The following CHN1 variants were observed in gnomAD, a reference collection of about 807,000 sequenced individuals.
CHN1 encodes N-chimaerin.
CHN1 carries 37 observed loss-of-function variants against 59.5 expected under a neutral mutation model. The observed-to-expected ratio is 0.62, with a 90% confidence interval of 0.48 to 0.82. The LOEUF (loss-of-function observed/expected upper bound fraction) is 0.82. Ranked by LOEUF, CHN1 falls within the 40% of genes least tolerant of loss-of-function variation. CHN1 has a pLI of 0.00. For missense variants in CHN1, 469 were observed against 571.0 expected (o/e 0.82, Z 1.82); for synonymous variants, 206 against 200.4 (o/e 1.03, Z -0.24).
intron 5 of CHN1, among the ~76,000 whole-genome samples, chr2:174,900,622 A>G (rs929010312): frequency 3.9e-5 from 6 of 152,166 alleles, no homozygotes; most frequent in Non-Finnish European, 7.4e-5. Context: ...CCTGGCCAAC[A>G]TGGTGAAACT....
Position 174,812,498 on chromosome 2 carries a change from AGAAAG to A in CHN1, c.713-21_713-17del, listed in dbSNP as rs1452024836. The A allele has an allele frequency of 6.2e-7, 1 of 1,611,398 alleles. No homozygotes were observed. Among genetic ancestry groups the A allele is most frequent in the Non-Finnish European group, 8.5e-7 (1 of 1,179,186 alleles). ...AAACCACAATCTAAGAAAAGAATAA[AGAAAG>A]GAAACATTCAATATTATTTTCAGAG... On this transcript the variant is annotated splice_polypyrimidine_tract_variant and intron_variant, in intron 8 of 12. Coordinates refer to ENST00000409900, the MANE Select transcript of CHN1 (RefSeq NM_001822.7).
chr2:174,848,898 C>A (rs1284100316), intron 6 of CHN1, among the ~76,000 whole-genome samples: 2 of 152,086 alleles, frequency 1.3e-5, no homozygotes, highest in Non-Finnish European at 2.9e-5. Context: ...TGGAAAAAGT[C>A]TCCTTGCCTA....
chr2:174,891,263 G>A (rs1471461889), intron 5 of CHN1, among the ~76,000 whole-genome samples: 1 of 150,290 alleles, frequency 6.7e-6, no homozygotes, highest in Non-Finnish European at 1.5e-5. Flanking sequence ...AGGAAAACTA[G>A]AAAATATCTT....
At position 174,847,773 on chromosome 2, in the gene CHN1, C is replaced by CAAAAAAAAAAAAAAAAAAAAAAAA. The variant is rs71031072; in HGVS notation, c.550-840_550-817dup. 39 of 238,424 alleles carry CAAAAAAAAAAAAAAAAAAAAAAAA rather than the reference C, an allele frequency of 1.6e-4. 6 individuals carry two copies. Among genetic ancestry groups the CAAAAAAAAAAAAAAAAAAAAAAAA allele is most frequent in the Admixed American group, 2.5e-4 (4 of 16,022 alleles). 14.8% of individuals were successfully genotyped at this position (238,424 alleles called of 1,614,324 possible). ...AAGTAAGTTTCTTGCTGGCTCAAGG[C>CAAAAAAAAAAAAAAAAAAAAAAAA]AAAAAAAAAAAAAAAAAAAAAAAAA... On this transcript the variant is annotated intron_variant, in intron 6 of 12. Coordinates refer to ENST00000409900, the MANE Select transcript of CHN1 (RefSeq NM_001822.7).
intron 1 of CHN1, among the ~76,000 whole-genome samples, chr2:174,996,323 G>A (rs1691706124): frequency 1.3e-5 from 2 of 152,202 alleles, no homozygotes; most frequent in South Asian, 4.1e-4. Flanking sequence ...CACACACAAA[G>A]TAGAAATATT....
intron 6 of CHN1, among the ~76,000 whole-genome samples, chr2:174,854,841 A>G (rs1686846631): frequency 6.6e-6 from 1 of 152,194 alleles, no homozygotes; most frequent in African/African-American, 2.4e-5. Flanking sequence ...TATGGATTAA[A>G]GACCTACGGC....
chr2:174,915,342 GC>G (rs1398297146), intron 4 of CHN1, 171 bp from the exon 5 acceptor site: 2 of 598,448 alleles, frequency 3.3e-6, no homozygotes, highest in African/African-American at 1.9e-5. Flanking sequence ...TCTGGACCTG[GC>G]CCCCAGCCAG....
At chr2:174,906,463 G>A (rs181254934) in intron 5 of CHN1, among the ~76,000 whole-genome samples, 1 of 152,164 alleles carries the variant, frequency 6.6e-6, no homozygotes, top group Non-Finnish European at 1.5e-5. Flanking sequence ...GAAACAGAAA[G>A]TGAGGGCAAA....
intron 5 of CHN1, among the ~76,000 whole-genome samples, chr2:174,883,050 C>T (rs1687781874): frequency 6.6e-6 from 1 of 152,074 alleles, no homozygotes; most frequent in Non-Finnish European, 1.5e-5. Flanking sequence ...ATTTCCTTGG[C>T]CAAATAAATC....
intron 1 of CHN1, among the ~76,000 whole-genome samples, chr2:174,969,210 T>C (rs763727807): frequency 1.6e-4 from 24 of 152,222 alleles, no homozygotes; most frequent in Non-Finnish European, 2.8e-4. Flanking sequence ...GCCACTCTTC[T>C]GCTGCGTTCT....
At chr2:174,819,307 A>G (rs1685396685) in intron 8 of CHN1, among the ~76,000 whole-genome samples, 1 of 152,238 alleles carries the variant, frequency 6.6e-6, no homozygotes. Flanking sequence ...ACCTGAAGTA[A>G]TAAATACTTA....
At chr2:174,831,262 T>G (rs1685870490) in intron 7 of CHN1, among the ~76,000 whole-genome samples, 1 of 152,252 alleles carries the variant, frequency 6.6e-6, no homozygotes, top group Non-Finnish European at 1.5e-5. Context: ...AGAGCTTAAA[T>G]TCTTTTATGG....
chr2:174,878,275 C>T (rs2105334174), intron 5 of CHN1, 147 bp from the exon 6 acceptor site: 2 of 672,072 alleles, frequency 3.0e-6, no homozygotes, highest in Non-Finnish European at 4.6e-6. Context: ...CTCTCTGAAT[C>T]GTCTGGAATA....
chr2:174,844,293 C>T (rs145983493), intron 7 of CHN1, among the ~76,000 whole-genome samples: 13 of 151,942 alleles, frequency 8.6e-5, no homozygotes, highest in African/African-American at 2.7e-4. Context: ...CAAAAACAAA[C>T]GCCTGTCTGT....
In CHN1 at chr2:174,800,054, T is replaced by C; in HGVS notation, c.*62A>G. The C allele has an allele frequency of 6.9e-7, 1 of 1,447,528 alleles. No individual in the cohort carries two copies. Among genetic ancestry groups the C allele is most frequent in the Non-Finnish European group, 9.5e-7 (1 of 1,057,400 alleles). 89.7% of individuals were successfully genotyped at this position (1,447,528 alleles called of 1,614,324 possible). ...GAAATAATGCAGCTACAGGAGCAAA[T>C]TAAATTACTATAAAACATTCCTTCA... On this transcript the variant is annotated 3_prime_UTR_variant, in exon 13 of 13. Coordinates refer to ENST00000409900, the MANE Select transcript of CHN1 (RefSeq NM_001822.7).
chr2:174,847,338 T>TC (rs1686556002), intron 6 of CHN1: 1 of 1,300,666 alleles, frequency 7.7e-7, no homozygotes, highest in Middle Eastern at 2.9e-4. Context: ...TCTTCCTTTT[T>TC]TTTTCTTAAA....
chr2:174,919,651 A>G (rs999526212), intron 3 of CHN1, among the ~76,000 whole-genome samples: 1 of 152,204 alleles, frequency 6.6e-6, no homozygotes, highest in Non-Finnish European at 1.5e-5. Context: ...CTTATAACTA[A>G]CAAATAAAAG....
chr2:174,838,490 A>G (rs1171722481), intron 7 of CHN1, among the ~76,000 whole-genome samples: 1 of 152,244 alleles, frequency 6.6e-6, no homozygotes, highest in Non-Finnish European at 1.5e-5. Flanking sequence ...CAGTTAAACA[A>G]GGCTTGAAAC....
chr2:174,875,784 T>A, intron 6 of CHN1: 1 of 983,066 alleles, frequency 1.0e-6, no homozygotes, highest in Non-Finnish European at 1.2e-6. Context: ...TTGTCTTTAC[T>A]TACAAATGTC....
Sources: allele counts gnomAD v4.1 joint callset (sites outside exome capture counted in the v4.1 genomes callset), GRCh38; gene constraint gnomAD v4.1.1; transcripts MANE v1.5; gene names NCBI Gene and HGNC (gene_info 2026-07-23, HGNC 2026-07-21).